Variants in MARCO observed in about 807,000 individuals in gnomAD.
MARCO encodes macrophage receptor MARCO.
MARCO carries 72 observed loss-of-function variants against 70.0 expected under a neutral mutation model. The observed-to-expected ratio is 1.03, with a 90% CI of 0.85 to 1.25. MARCO has a LOEUF of 1.25. MARCO is among the 50% of genes most tolerant of loss of function. The pLI is 0.00. For synonymous variants in MARCO, 273 were observed against 243.1 expected (o/e 1.12, Z -1.14); for missense variants, 696 against 659.3 (o/e 1.06, Z -0.61).
rs763170743 is a variant in MARCO at position 118,981,444 on chromosome 2, G to T, written c.802G>T (p.Gly268Trp). Residue 268 changes from glycine to tryptophan, a missense_variant, in exon 9 of 17, where the codon GGG (glycine) becomes TGG (tryptophan). By Grantham distance (184) the Gly-to-Trp change is radical. This residue lies in a region of MARCO where 605 missense variants were observed against 537.6 expected (regional missense o/e 1.13). Transcript: ENST00000327097. ...KGDRGMKGDA[G>W]VMGPPGAQGS... ...GGACAGGGGCATGAAAGGAGATGCAGGGGTCATGGGGCCTCCTGGAGCCCA... is the reference window on the plus strand; with the variant it reads ...GGACAGGGGCATGAAAGGAGATGCATGGGTCATGGGGCCTCCTGGAGCCCA... 13 of 1,595,616 alleles carry T rather than the reference G, an allele frequency of 8.1e-6. No homozygotes were observed. Among genetic ancestry groups the T allele is most frequent in the Non-Finnish European group, 1.0e-5 (12 of 1,175,928 alleles).
chr2:118,986,672 GGAAAGAAAGAAA>G (rs70949954), intron 12 of MARCO, among the ~76,000 whole-genome samples: 725 of 48,430 alleles, frequency 0.015, 20 homozygotes, highest in Non-Finnish European at 0.017. Context: ...AAGGAAGGAA[GGAAAGAAAGAAA>G]GAAAGAAAGA....
intron 8 of MARCO, among the ~76,000 whole-genome samples, chr2:118,980,501 G>A (rs1187458500): frequency 6.6e-6 from 1 of 152,182 alleles, no homozygotes; most frequent in Non-Finnish European, 1.5e-5. Flanking sequence ...GAGAAGGCTG[G>A]TGTCATGCCT....
chr2:118,974,767 C>T (rs1680247281), intron 6 of MARCO, among the ~76,000 whole-genome samples: 1 of 152,132 alleles, frequency 6.6e-6, no homozygotes, highest in Non-Finnish European at 1.5e-5. Context: ...GGGCAGCCGC[C>T]CTCAGGGGCA....
chr2:118,977,480 G>A lies in MARCO; in HGVS notation c.623G>A (p.Gly208Glu), dbSNP rs748053841. 6 of 1,613,816 alleles carry A rather than the reference G, an allele frequency of 3.7e-6. No individual in the cohort carries two copies. Among genetic ancestry groups the A allele is most frequent in the Non-Finnish European group, 5.1e-6 (6 of 1,179,900 alleles). Residue 208 changes from glycine to glutamate, a missense_variant, in exon 7 of 17, where the codon GGA becomes GAA. Physicochemically the swap from Gly to Glu is moderately conservative, Grantham distance 98. Transcript: ENST00000327097. ...PGVKGEAGLQ[G>E]PQGAPGKQGA... ...TTTTCCTTCCTCACAGGCCTCCAAG[G>A]ACCCCAGGGTGCTCCAGGGAAGCAA... is the stretch of plus-strand genomic sequence containing the variant.
chr2:118,991,082 C>G (rs962392886), intron 13 of MARCO, among the ~76,000 whole-genome samples: 9 of 152,080 alleles, frequency 5.9e-5, no homozygotes, highest in African/African-American at 1.7e-4. Flanking sequence ...TTATTCTTAT[C>G]CTCACCTCCA....
Position 118,994,429 on chromosome 2 carries a change from C to T in MARCO, c.1472C>T (p.Thr491Met), listed in dbSNP as rs772912755. 50 of 1,613,968 alleles carry T rather than the reference C, an allele frequency of 3.1e-5. No homozygotes were observed. The highest frequency in any genetic ancestry group is 1.1e-4 in the African/African-American group (8 of 74,906). Reference protein sequence around the residue: ...IWLDNVQCRGTESTLWSCTKN... With the variant: ...IWLDNVQCRGMESTLWSCTKN... Reference sequence around the variant, plus strand: ...CTGGATAATGTTCAGTGTCGGGGCACGGAGAGTACCCTGTGGAGCTGCACC... The same window carrying T: ...CTGGATAATGTTCAGTGTCGGGGCATGGAGAGTACCCTGTGGAGCTGCACC... Residue 491 changes from threonine to methionine, a missense_variant, in exon 17 of 17, where the codon ACG becomes ATG. Thr to Met is a moderately conservative substitution (Grantham distance 81). Coordinates refer to ENST00000327097, the MANE Select transcript of MARCO (RefSeq NM_006770.4).
intron 1 of MARCO, among the ~76,000 whole-genome samples, chr2:118,947,457 C>T (rs1460880486): frequency 3.3e-5 from 5 of 152,158 alleles, no homozygotes; most frequent in Admixed American, 6.5e-5. Flanking sequence ...ACTAGAGGCT[C>T]ATACCACCAT....
At chr2:118,964,900 A>G (rs1437423328) in intron 1 of MARCO, among the ~76,000 whole-genome samples, 1 of 151,958 alleles carries the variant, frequency 6.6e-6, no homozygotes, top group Non-Finnish European at 1.5e-5. Context: ...AAAAAAAAAA[A>G]AAAGTATTCC....
In MARCO at chr2:118,994,534, T is replaced by C. The variant is rs1166194753; in HGVS notation, c.*14T>C. On this transcript the variant is annotated 3_prime_UTR_variant, in exon 17 of 17. Coordinates refer to ENST00000327097, the MANE Select transcript of MARCO (RefSeq NM_006770.4). ...TGCAGCGTCTGACCCGGAAACCCTT[T>C]CACTTCTCTGCTCCCGAGGTGTCCT... 1 of 1,564,950 alleles carries C rather than the reference T, an allele frequency of 6.4e-7. No homozygotes were observed. The highest frequency in any genetic ancestry group is 1.2e-5 in the South Asian group (1 of 82,396).
At position 118,990,650 on chromosome 2, in the gene MARCO, A is replaced by G. The variant is rs79264760; in HGVS notation, c.1108+17A>G. On this transcript the variant is annotated intron_variant, in intron 13 of 16. Transcript: ENST00000327097. ...GAGTTCCAGGTAAAGGGCAGGCTGC[A>G]TCTTCATCCCTCGGAGTGATGACGG... is the stretch of plus-strand genomic sequence containing the variant. 1.9e-3 allele frequency: 2,882 copies of G among 1,542,410 alleles called. 44 individuals carry two copies. The African/African-American group carries it at 0.034, about 18-fold the overall frequency.
intron 1 of MARCO, chr2:118,949,499 G>A (rs543811836): frequency 4.6e-5 from 7 of 152,290 alleles, no homozygotes; most frequent in African/African-American, 1.7e-4. Flanking sequence ...GTAGAGGAGG[G>A]AGAACAAAGT....
Position 118,970,146 on chromosome 2 carries a change from G to A in MARCO, c.232G>A (p.Glu78Lys), listed in dbSNP as rs1199257703. 2 of 1,614,016 alleles carry A rather than the reference G, an allele frequency of 1.2e-6. No individual in the cohort carries two copies. The highest frequency in any genetic ancestry group is 1.7e-6 in the Non-Finnish European group (2 of 1,180,030). The change falls in exon 3 of 17, where the codon GAG becomes AAG. Residue 78 changes from glutamate to lysine, a missense_variant. Physicochemically the swap from Glu to Lys is moderately conservative, Grantham distance 56 (BLOSUM62 1). Coordinates refer to ENST00000327097, the MANE Select transcript of MARCO (RefSeq NM_006770.4). ...LNLQARLRVL[E>K]MYFLNDTLAA... The stretch of plus-strand genomic sequence containing the variant: ...TCTGCAGGCGCGGCTCCGGGTCCTG[G>A]AGATGTATTTCCTCAATGACACTCT...
chr2:118,974,613 A>C, intron 6 of MARCO, 48 bp downstream of exon 6: 4 of 1,570,364 alleles, frequency 2.5e-6, no homozygotes, highest in African/African-American at 1.4e-5. Context: ...CAAGTTTCTC[A>C]GAGTGACTGC....
chr2:118,977,072 C>T (rs1680295814), intron 6 of MARCO, among the ~76,000 whole-genome samples: 1 of 152,208 alleles, frequency 6.6e-6, no homozygotes, highest in African/African-American at 2.4e-5. Flanking sequence ...TCTAGTCTCA[C>T]AAGAGCAGGA....
chr2:118,957,620 A>G (rs1340100268), intron 1 of MARCO, among the ~76,000 whole-genome samples: 2 of 152,134 alleles, frequency 1.3e-5, no homozygotes, highest in Non-Finnish European at 1.5e-5. Context: ...ACTATTCCAC[A>G]AGACAGAGAA....
At chr2:118,969,310 A>G in intron 2 of MARCO, 49 bp downstream of exon 2, 1 of 1,477,288 alleles carries the variant, frequency 6.8e-7, no homozygotes, top group Non-Finnish European at 9.5e-7. Context: ...GAGAGGGGTG[A>G]CCCAGCTGGG....
chr2:118,961,786 C>G (rs1396490315), intron 1 of MARCO, among the ~76,000 whole-genome samples: 4 of 152,218 alleles, frequency 2.6e-5, no homozygotes, highest in Non-Finnish European at 4.4e-5. Flanking sequence ...CTCATGAAAT[C>G]TTTGCCCATG....
intron 1 of MARCO, among the ~76,000 whole-genome samples, chr2:118,959,577 A>C (rs893934150): frequency 6.6e-6 from 1 of 152,212 alleles, no homozygotes; most frequent in Admixed American, 6.5e-5. Flanking sequence ...AACAGTGTGG[A>C]GATTCCTTAA....
intron 12 of MARCO, among the ~76,000 whole-genome samples, chr2:118,983,292 C>A (rs1396106833): frequency 6.6e-6 from 1 of 152,182 alleles, no homozygotes; most frequent in Non-Finnish European, 1.5e-5. Context: ...TGTCAGACAA[C>A]CTGGATGCCC....
Sources: gnomAD v4.1 joint callset for allele counts (sites outside exome capture counted in the v4.1 genomes callset) on GRCh38, gnomAD v4.1.1 for gene constraint, gnomAD v4.1.1 regional missense constraint, MANE v1.5 for transcripts, NCBI Gene and HGNC (gene_info 2026-07-23, HGNC 2026-07-21) for gene names.